Variants in ELP3 observed in about 807,000 individuals in gnomAD.
ELP3 encodes elongator complex protein 3.
A neutral mutation model predicts 74.9 loss-of-function variants in ELP3; 56 were observed. The observed-to-expected ratio is 0.75, with a 90% CI of 0.60 to 0.93. ELP3 has a LOEUF of 0.93. ELP3 is among the 40% of genes least tolerant of loss of function. The pLI, the probability that ELP3 is intolerant of heterozygous loss-of-function variation, is 0.00. For synonymous variants in ELP3, 222 were observed against 239.8 expected (o/e 0.93, Z 0.68); for missense variants, 573 against 686.5 (o/e 0.83, Z 1.85).
At chr8:28,175,270 A>T (rs940108678) in intron 14 of ELP3, among the ~76,000 whole-genome samples, 1 of 152,080 alleles carries the variant, frequency 6.6e-6, no homozygotes, top group Non-Finnish European at 1.5e-5. Flanking sequence ...CCAGCAATGC[A>T]TATATTGGTA....
intron 10 of ELP3, among the ~76,000 whole-genome samples, chr8:28,144,244 A>G (rs1217599851): frequency 2.0e-5 from 3 of 152,232 alleles, no homozygotes; most frequent in Non-Finnish European, 4.4e-5. Context: ...TCATGTTCGT[A>G]TAGGACACTT....
chr8:28,161,419 C>G (rs561732334), intron 13 of ELP3, among the ~76,000 whole-genome samples: 1 of 151,996 alleles, frequency 6.6e-6, no homozygotes, highest in African/African-American at 2.4e-5. Context: ...ACTAAAAGTA[C>G]AAAAATTAGC....
intron 3 of ELP3, among the ~76,000 whole-genome samples, chr8:28,100,558 G>A (rs186992542): frequency 2.6e-5 from 4 of 152,364 alleles, no homozygotes; most frequent in East Asian, 1.9e-4. Flanking sequence ...ACTGAAGGGT[G>A]TTAACAGTTC....
intron 12 of ELP3, 111 bp from the exon 13 acceptor site, chr8:28,160,118 T>G (rs1021481669): frequency 3.6e-5 from 34 of 939,812 alleles, no homozygotes; most frequent in South Asian, 7.0e-5. Flanking sequence ...TTAGTGATTA[T>G]TCATTCCTTA....
At chr8:28,188,091 G>A (rs1815311795) in intron 14 of ELP3, among the ~76,000 whole-genome samples, 1 of 152,182 alleles carries the variant, frequency 6.6e-6, no homozygotes, top group Non-Finnish European at 1.5e-5. Context: ...TGCAGAGAGG[G>A]AGGGAAGGAC....
chr8:28,144,058 G>A (rs1397126758), intron 10 of ELP3, among the ~76,000 whole-genome samples: 1 of 152,040 alleles, frequency 6.6e-6, no homozygotes, highest in Non-Finnish European at 1.5e-5. Context: ...ATTATTATTT[G>A]TGTTTCTTCT....
chr8:28,184,944 G>T (rs1424677328), intron 14 of ELP3, among the ~76,000 whole-genome samples: 1 of 130,484 alleles, frequency 7.7e-6, no homozygotes, highest in African/African-American at 2.7e-5. Flanking sequence ...CTCCAGCCTG[G>T]GTGACAAGAG....
At chr8:28,092,859 CTTTCACT>C, upstream of ELP3, 1 of 320,210 alleles carries the variant, frequency 3.1e-6, no homozygotes, top group East Asian at 9.5e-5. Context: ...CACTTCCACC[CTTTCACT>C]TAGGCTTCCT....
chr8:28,128,281 C>T (rs891560273), intron 7 of ELP3, among the ~76,000 whole-genome samples: 1 of 152,022 alleles, frequency 6.6e-6, no homozygotes, highest in Admixed American at 6.6e-5. Context: ...CGAGACCAGC[C>T]TGGCCAACAA....
chr8:28,094,647 C>T (rs1276248708), intron 1 of ELP3, among the ~76,000 whole-genome samples: 3 of 151,956 alleles, frequency 2.0e-5, no homozygotes, highest in African/African-American at 4.8e-5. Context: ...GAGGCAGAGG[C>T]GGGAGAATCA....
At chr8:28,119,741 T>C (rs889286718) in intron 7 of ELP3, among the ~76,000 whole-genome samples, 1 of 151,412 alleles carries the variant, frequency 6.6e-6, no homozygotes, top group Non-Finnish European at 1.5e-5. Context: ...AGTTCCCACA[T>C]CCCACTTGCC....
In ELP3 at chr8:28,112,992, T is replaced by C. The variant is rs779575580; in HGVS notation, c.463-27T>C. The C allele has an allele frequency of 2.1e-5, 34 of 1,608,328 alleles. 1 individual carries two copies. In the South Asian group the frequency reaches 3.8e-4, roughly 18 times the overall value. ...GAGTAGTTCCTTATGCTTATATCATTCTAATGCTGATGAATTTGTCTTTCA... is the reference window on the plus strand; with the variant it reads ...GAGTAGTTCCTTATGCTTATATCATCCTAATGCTGATGAATTTGTCTTTCA... On this transcript the variant is annotated intron_variant, in intron 6 of 14. Transcript: ENST00000256398.
At chr8:28,179,939 T>C (rs941307078) in intron 14 of ELP3, among the ~76,000 whole-genome samples, 1 of 152,198 alleles carries the variant, frequency 6.6e-6, no homozygotes, top group African/African-American at 2.4e-5. Context: ...TTCAGTACAT[T>C]GTATCTATCT....
chr8:28,142,464 A>G (rs76043038), intron 10 of ELP3, among the ~76,000 whole-genome samples: 4,691 of 152,282 alleles, frequency 0.031, 100 homozygotes, highest in Non-Finnish European at 0.048. Context: ...TAGGCTTAAG[A>G]TTTCGAAGTG....
At chr8:28,189,121 G>T (rs141138390) in intron 14 of ELP3, among the ~76,000 whole-genome samples, 1 of 152,348 alleles carries the variant, frequency 6.6e-6, no homozygotes, top group East Asian at 1.9e-4. Flanking sequence ...TTCCTGTTAA[G>T]CCTTGTATAC....
At chr8:28,132,163 C>G in intron 8 of ELP3, 115 bp from the exon 9 acceptor site, 1 of 1,137,474 alleles carries the variant, frequency 8.8e-7, no homozygotes, top group Non-Finnish European at 1.3e-6. Context: ...TGTTACCTGT[C>G]TCAGAGATTG....
At chr8:28,101,870 G>T (rs1340830170) in intron 3 of ELP3, among the ~76,000 whole-genome samples, 1 of 152,292 alleles carries the variant, frequency 6.6e-6, no homozygotes, top group East Asian at 1.9e-4. Flanking sequence ...GATTACAGAC[G>T]TGAGCCACTG....
In ELP3 at chr8:28,099,869, A is replaced by T; in HGVS notation, c.161A>T (p.Gln54Leu). The change falls in exon 3 of 15, where the codon CAG becomes CTG. Residue 54 changes from glutamine (Q) to leucine (L), a missense_variant. By Grantham distance (113) the Gln-to-Leu change is moderately radical. Transcript: ENST00000256398. ...GCTGCCAAATATGGCCTTTCTGCCC[A>T]GCCCCGCCTGGTGGATATCATTGCT... ...KTAAKYGLSAQPRLVDIIAAV... is the reference protein window; with the variant it reads ...KTAAKYGLSALPRLVDIIAAV... The T allele has an allele frequency of 6.2e-7, 1 of 1,614,238 alleles. No homozygotes were observed. The highest frequency in any genetic ancestry group is 8.5e-7 in the Non-Finnish European group (1 of 1,180,040).
chr8:28,127,489 CT>C (rs1237959175), intron 7 of ELP3, among the ~76,000 whole-genome samples: 3 of 151,824 alleles, frequency 2.0e-5, no homozygotes, highest in Non-Finnish European at 2.9e-5. Flanking sequence ...TTTTTTGGTA[CT>C]TTTTTTTCAA....
Sources: gnomAD v4.1 joint callset for allele counts (sites outside exome capture counted in the v4.1 genomes callset) on GRCh38, gnomAD v4.1.1 for gene constraint, MANE v1.5 for transcripts, NCBI Gene and HGNC (gene_info 2026-07-23, HGNC 2026-07-21) for gene names.